The following PSMG2 variants were observed in gnomAD, a reference collection of about 807,000 sequenced individuals.
PSMG2 encodes proteasome assembly chaperone 2.
A neutral mutation model predicts 31.5 loss-of-function variants in PSMG2; 21 were observed. The observed-to-expected ratio is 0.67, with a 90% CI of 0.47 to 0.96. The LOEUF (loss-of-function observed/expected upper bound fraction) is 0.96. PSMG2 is among the 40% of genes least tolerant of loss of function. The probability of loss-of-function intolerance (pLI) is 0.00; values close to 1 mark genes in which losing one functional copy is unlikely to be tolerated. For missense variants in PSMG2, 318 were observed against 321.2 expected, an observed-to-expected ratio of 0.99 and a Z score of 0.08; for synonymous variants, 120 against 110.4, an observed-to-expected ratio of 1.09 and a Z score of -0.54.
At chr18:12,664,866 C>T (rs1394176307) in intron 1 of PSMG2, among the ~76,000 whole-genome samples, 3 of 149,054 alleles carry the variant, frequency 2.0e-5, no homozygotes, top group African/African-American at 7.5e-5. Flanking sequence ...GCCCAGCTAA[C>T]TTTTGTATTT....
intron 3 of PSMG2, among the ~76,000 whole-genome samples, chr18:12,714,944 ATCCACCCAC>A (rs1350480817): frequency 1.3e-5 from 2 of 150,262 alleles, no homozygotes; most frequent in Admixed American, 6.6e-5. Context: ...ACCTCAGGTG[ATCCACCCAC>A]TCCACCCACC....
intron 1 of PSMG2, chr18:12,674,738 T>G: frequency 6.2e-7 from 1 of 1,613,356 alleles, no homozygotes; most frequent in Non-Finnish European, 8.5e-7. Context: ...TCCCAAACAG[T>G]AGTGAGGCCA....
At chr18:12,673,336 C>A in intron 1 of PSMG2, 1 of 1,571,308 alleles carries the variant, frequency 6.4e-7, no homozygotes, top group Non-Finnish European at 8.6e-7. Context: ...CAATTAAACA[C>A]AGGTATAAAT....
At chr18:12,671,992 G>C (rs1278880830) in intron 1 of PSMG2, among the ~76,000 whole-genome samples, 1 of 150,136 alleles carries the variant, frequency 6.7e-6, no homozygotes. Flanking sequence ...GCTAATTTTT[G>C]TATCTTTAGT....
At chr18:12,714,590 C>T (rs567280387) in intron 3 of PSMG2, among the ~76,000 whole-genome samples, 33 of 151,172 alleles carry the variant, frequency 2.2e-4, no homozygotes, top group African/African-American at 7.8e-4. Flanking sequence ...GCCTCCCAGG[C>T]TCAAGCCATT....
chr18:12,709,270 C>T (rs2040303891), intron 2 of PSMG2, among the ~76,000 whole-genome samples: 1 of 151,798 alleles, frequency 6.6e-6, no homozygotes, highest in Non-Finnish European at 1.5e-5. Flanking sequence ...TGGTCTCAAT[C>T]TCCTGACCTC....
intron 1 of PSMG2, chr18:12,697,474 A>T: frequency 3.8e-6 from 4 of 1,045,206 alleles, no homozygotes; most frequent in Non-Finnish European, 5.5e-6. Context: ...ATAAAAGAAT[A>T]CTTTTATTAA....
At chr18:12,659,174 T>G (rs2038643111) in intron 1 of PSMG2, among the ~76,000 whole-genome samples, 2 of 152,174 alleles carry the variant, frequency 1.3e-5, no homozygotes, top group Admixed American at 6.5e-5. Context: ...AAATAGGCAA[T>G]GTATATTAAG....
intron 1 of PSMG2, chr18:12,658,887 C>T: frequency 3.6e-6 from 1 of 279,596 alleles, no homozygotes; most frequent in South Asian, 3.0e-5. Context: ...TTAGTTTTAG[C>T]GTCCTTCCGG....
At chr18:12,706,790 A>G (rs2145133632) in intron 2 of PSMG2, 69 bp downstream of exon 2, 1 of 1,462,418 alleles carries the variant, frequency 6.8e-7, no homozygotes, top group South Asian at 1.3e-5. Context: ...AATAGACTTT[A>G]TTGATAATTG....
At chr18:12,668,068 C>T (rs919236242) in intron 1 of PSMG2, among the ~76,000 whole-genome samples, 1 of 151,958 alleles carries the variant, frequency 6.6e-6, no homozygotes, top group Non-Finnish European at 1.5e-5. Context: ...AGTTTGAAAC[C>T]AGCCTGGCCA....
intron 1 of PSMG2, chr18:12,677,977 T>G (rs1361446335): frequency 1.5e-6 from 1 of 651,098 alleles, no homozygotes; most frequent in East Asian, 2.7e-5. Flanking sequence ...ATTATAAGCT[T>G]CATAATAGTA....
In PSMG2 at chr18:12,724,493, T is replaced by A. The variant is rs757778648; in HGVS notation, c.582-6T>A. 5.6e-6 allele frequency: 9 copies of A among 1,594,468 alleles called. No individual in the cohort carries two copies. Among genetic ancestry groups the A allele is most frequent in the Non-Finnish European group, 7.7e-6 (9 of 1,172,850 alleles). On this transcript the variant is annotated splice_region_variant and splice_polypyrimidine_tract_variant and intron_variant, in intron 5 of 6. Transcript: ENST00000317615. ...GAATACTGATTCTTATTTTTATTTC[T>A]TGTAGCTGTTCTAAAGAAATCCAAA...
intron 1 of PSMG2, chr18:12,680,631 T>G: frequency 1.4e-6 from 2 of 1,474,048 alleles, no homozygotes; most frequent in Non-Finnish European, 1.8e-6. Flanking sequence ...ATAACTTCAT[T>G]TTAATATCCT....
chr18:12,724,713 G>A (rs745953927), intron 6 of PSMG2, 94 bp downstream of exon 6: 130 of 1,232,286 alleles, frequency 1.1e-4, no homozygotes, highest in Non-Finnish European at 1.3e-4. Flanking sequence ...GTAAGTGAAC[G>A]TTTGTATTAA....
intron 1 of PSMG2, among the ~76,000 whole-genome samples, chr18:12,662,394 AAC>A (rs1449772070): frequency 6.6e-6 from 1 of 152,232 alleles, no homozygotes; most frequent in Non-Finnish European, 1.5e-5. Context: ...CAGTAAATGA[AAC>A]AGTTGGTACT....
intron 2 of PSMG2, among the ~76,000 whole-genome samples, chr18:12,709,653 C>G (rs1568041322): frequency 1.3e-5 from 2 of 152,076 alleles, no homozygotes; most frequent in African/African-American, 4.8e-5. Context: ...TCCACGCCCC[C>G]ACGCCCAGCT....
chr18:12,668,365 G>A (rs1189708759), intron 1 of PSMG2, among the ~76,000 whole-genome samples: 1 of 151,950 alleles, frequency 6.6e-6, no homozygotes, highest in Non-Finnish European at 1.5e-5. Flanking sequence ...CCCGAGGTGG[G>A]CAGATCACTT....
intron 2 of PSMG2, 120 bp downstream of exon 2, chr18:12,706,841 G>A: frequency 4.0e-6 from 4 of 1,008,830 alleles, no homozygotes; most frequent in Non-Finnish European, 5.6e-6. Context: ...TTTGTGTAGA[G>A]TTCACAACCC....
Sources: allele counts gnomAD v4.1 joint callset (sites outside exome capture counted in the v4.1 genomes callset), GRCh38; gene constraint gnomAD v4.1.1; transcripts MANE v1.5; gene names NCBI Gene and HGNC (gene_info 2026-07-23, HGNC 2026-07-21).